Variants in MAMSTR observed in about 807,000 individuals in gnomAD.
The protein encoded by MAMSTR is MEF2-activating motif and SAP domain-containing transcriptional regulator.
A neutral mutation model predicts 42.7 loss-of-function variants in MAMSTR; 41 were observed. The observed-to-expected ratio is 0.96, with a 90% CI of 0.75 to 1.25. MAMSTR has a LOEUF of 1.25. Among genes scored for constraint, MAMSTR ranks in the 50% most tolerant of loss-of-function variants. The pLI is 0.00. For missense variants in MAMSTR, 567 were observed against 557.6 expected, an observed-to-expected ratio of 1.02 and a Z score of -0.17; for synonymous variants, 265 against 244.1, an observed-to-expected ratio of 1.09 and a Z score of -0.80.
chr19:48,707,089 T>C, the MAMSTR span, among the ~76,000 whole-genome samples: 5 of 151,542 alleles, frequency 3.3e-5, 1 homozygote, highest in South Asian at 1.1e-3. Context: ...AGTCGCAACA[T>C]AGCAAGACAC....
rs1352884358 is a variant in MAMSTR at position 48,715,453 on chromosome 19, G to A, written c.241-7C>T. On this transcript the variant is annotated splice_region_variant and splice_polypyrimidine_tract_variant and intron_variant, in intron 4 of 9. Coordinates refer to ENST00000318083, the MANE Select transcript of MAMSTR (RefSeq NM_001130915.2). Reference sequence around the variant, plus strand: ...GGGAGATCTTGGGAGACTCCTGAAAGAGCAGGTGTGATGTTTTAGGCTTCA... The same window carrying A: ...GGGAGATCTTGGGAGACTCCTGAAAAAGCAGGTGTGATGTTTTAGGCTTCA... The A allele has an allele frequency of 3.4e-6, 5 of 1,484,368 alleles. No homozygotes were observed. The highest frequency in any genetic ancestry group is 1.4e-5 in the African/African-American group (1 of 69,946). The allele number at this position is 1,484,368 out of a possible 1,614,324, so 91.9% of individuals were successfully genotyped here.
downstream of MAMSTR, among the ~76,000 whole-genome samples, chr19:48,711,831 C>G (rs1040083677): frequency 6.6e-6 from 1 of 150,882 alleles, no homozygotes. Flanking sequence ...CTGCAAGCTC[C>G]GCCTCCCGGG....
At chr19:48,716,247 G>C (rs1473242284) in intron 3 of MAMSTR, among the ~76,000 whole-genome samples, 1 of 151,918 alleles carries the variant, frequency 6.6e-6, no homozygotes, top group African/African-American at 2.4e-5. Flanking sequence ...GTGGTGGCAC[G>C]TGCCTGTAAT....
intron 4 of MAMSTR, 87 bp from the exon 5 acceptor site, chr19:48,715,533 G>C: frequency 1.4e-6 from 2 of 1,473,128 alleles, no homozygotes; most frequent in African/African-American, 2.9e-5. Flanking sequence ...GGGTCAGCTC[G>C]GTGCCACCGA....
chr19:48,709,689 T>C (rs1185386054), downstream of MAMSTR, among the ~76,000 whole-genome samples: 1 of 152,130 alleles, frequency 6.6e-6, no homozygotes, highest in Non-Finnish European at 1.5e-5. Flanking sequence ...ACCTTTCCTA[T>C]GTAAACCAGC....
intron 5 of MAMSTR, 113 bp downstream of exon 5, chr19:48,715,149 G>C: frequency 1.1e-6 from 1 of 913,066 alleles, no homozygotes; most frequent in Non-Finnish European, 1.7e-6. Flanking sequence ...TAAACCCTGG[G>C]AGAAGAGAGG....
chr19:48,711,265 T>C (rs1196998950), downstream of MAMSTR, among the ~76,000 whole-genome samples: 1 of 152,174 alleles, frequency 6.6e-6, no homozygotes, highest in Non-Finnish European at 1.5e-5. Flanking sequence ...GCAAGAAATC[T>C]AGTTATCCCG....
In MAMSTR at chr19:48,713,066, G is replaced by A. The variant is rs148847362; in HGVS notation, c.*201C>T. The A allele has an allele frequency of 2.3e-4, 119 of 527,300 alleles. No individual in the cohort carries two copies. The East Asian group carries it at 3.9e-3, about 17-fold the overall frequency. 32.7% of individuals were successfully genotyped at this position (527,300 alleles called of 1,614,324 possible). A position where few individuals can be genotyped will look rare whatever the true frequency, so the allele number is the denominator to read the frequency against. On this transcript the variant is annotated 3_prime_UTR_variant, in exon 10 of 10. Coordinates refer to ENST00000318083, the MANE Select transcript of MAMSTR (RefSeq NM_001130915.2). The stretch of plus-strand genomic sequence containing the variant: ...AGAAGCCCCCCAACCATACCACGCC[G>A]GAGGGGGATCATAAGGAGGCCAGGT...
chr19:48,717,004 C>T, intron 2 of MAMSTR: 1 of 1,129,230 alleles, frequency 8.9e-7, no homozygotes, highest in Non-Finnish European at 1.1e-6. Context: ...AGCCCTGCCC[C>T]CGGCTCCACC....
At chr19:48,712,052 G>A (rs942757093), downstream of MAMSTR, among the ~76,000 whole-genome samples, 14 of 151,964 alleles carry the variant, frequency 9.2e-5, no homozygotes, top group African/African-American at 2.7e-4. Context: ...CACCGTGCCC[G>A]GCCCAGTTTT....
intron 2 of MAMSTR, among the ~76,000 whole-genome samples, chr19:48,718,040 G>A (rs1046312471): frequency 2.6e-5 from 4 of 152,028 alleles, no homozygotes; most frequent in Non-Finnish European, 4.4e-5. Flanking sequence ...ACATGGTTTC[G>A]CCATGTTGGC....
downstream of MAMSTR, among the ~76,000 whole-genome samples, chr19:48,710,019 A>G (rs1018255005): frequency 2.6e-5 from 4 of 151,750 alleles, no homozygotes; most frequent in Non-Finnish European, 5.9e-5. Context: ...ACAGGCGCCC[A>G]CCACTGCGCC....
chr19:48,713,940 C>T lies in MAMSTR; in HGVS notation c.829G>A (p.Ala277Thr), dbSNP rs1370735164. Residue 277 changes from alanine to threonine, a missense_variant, in exon 8 of 10, where the codon GCC becomes ACC. Transcript: ENST00000318083. ...CCCGGCCCTGAGGAAGGGGTCAGGG[C>T]TGGAGCTGCAGCAGGAGCCGGAGTG... ...TPTPAPAAAP[A>T]LTPSSGPGSA... The T allele has an allele frequency of 3.1e-6, 5 of 1,613,520 alleles. No homozygotes were observed. In the South Asian group the frequency reaches 5.5e-5, roughly 18 times the overall value.
downstream of MAMSTR, among the ~76,000 whole-genome samples, chr19:48,707,857 AAG>A (rs373445537): frequency 6.4e-3 from 686 of 106,696 alleles, 64 homozygotes; most frequent in South Asian, 0.17. Flanking sequence ...GAAAGAAAGA[AAG>A]AAAGAAAGAA....
chr19:48,709,346 C>T (rs1224939907), downstream of MAMSTR, among the ~76,000 whole-genome samples: 1 of 152,018 alleles, frequency 6.6e-6, no homozygotes, highest in Non-Finnish European at 1.5e-5. Flanking sequence ...CGGGGTTTCT[C>T]CATGTTGGTC....
downstream of MAMSTR, among the ~76,000 whole-genome samples, chr19:48,710,314 C>T (rs1353744546): frequency 1.4e-5 from 2 of 147,036 alleles, no homozygotes; most frequent in Non-Finnish European, 3.0e-5. Context: ...GGGGTTTTAG[C>T]ACATTGGCCA....
At chr19:48,710,085 C>T (rs905936373), downstream of MAMSTR, among the ~76,000 whole-genome samples, 8 of 151,436 alleles carry the variant, frequency 5.3e-5, no homozygotes, top group Admixed American at 2.0e-4. Flanking sequence ...TCTTGATCTC[C>T]GGACCTCGTG....
intron 2 of MAMSTR, 69 bp downstream of exon 2, chr19:48,718,905 C>A: frequency 4.5e-5 from 51 of 1,136,100 alleles, no homozygotes; most frequent in East Asian, 5.4e-5. Flanking sequence ...TACCACCCCT[C>A]CCTTCCCACC....
downstream of MAMSTR, among the ~76,000 whole-genome samples, chr19:48,711,633 C>T (rs963197240): frequency 5.3e-5 from 8 of 151,864 alleles, no homozygotes; most frequent in African/African-American, 1.9e-4. Flanking sequence ...AGTGAAGTGG[C>T]ATGATCTCAG....
Sources: allele counts gnomAD v4.1 joint callset (sites outside exome capture counted in the v4.1 genomes callset), GRCh38; gene constraint gnomAD v4.1.1; transcripts MANE v1.5; gene names NCBI Gene and HGNC (gene_info 2026-07-23, HGNC 2026-07-21).